Variants in WDR25 observed in about 807,000 individuals in gnomAD.
WDR25 encodes the protein WD repeat-containing protein 25.
Under a neutral mutation model 47.7 loss-of-function variants are expected in WDR25, and 35 were observed. That is an observed-to-expected ratio of 0.73 (90% confidence interval 0.56 to 0.97). The LOEUF (loss-of-function observed/expected upper bound fraction) is 0.97, where lower values mean the gene tolerates loss of function less well. Among genes scored for constraint, WDR25 ranks in the 50% least tolerant of loss-of-function variants. The probability of loss-of-function intolerance (pLI) is 0.00; values close to 1 mark genes in which losing one functional copy is unlikely to be tolerated. For synonymous variants in WDR25, 248 were observed against 278.9 expected (o/e 0.89, Z 1.10); for missense variants, 634 against 704.7 (o/e 0.90, Z 1.14).
intron 2 of WDR25, among the ~76,000 whole-genome samples, chr14:100,417,956 T>G (rs1210384702): frequency 6.6e-5 from 10 of 151,790 alleles, no homozygotes; most frequent in African/African-American, 2.4e-4. Flanking sequence ...TTTTTTTTTT[T>G]TTTGAGACGG....
chr14:100,457,144 A>G, intron 2 of WDR25, among the ~76,000 whole-genome samples: 1 of 152,124 alleles, frequency 6.6e-6, no homozygotes, highest in South Asian at 2.1e-4. Context: ...TAATAGAGAC[A>G]GGGTTTCACC....
intron 3 of WDR25, among the ~76,000 whole-genome samples, chr14:100,475,010 A>G (rs1359162400): frequency 6.6e-6 from 1 of 152,234 alleles, no homozygotes; most frequent in African/African-American, 2.4e-5. Context: ...AAAAGAAGAG[A>G]TATGAATGGC....
chr14:100,441,877 C>T (rs1365777894), intron 2 of WDR25, among the ~76,000 whole-genome samples: 1 of 152,170 alleles, frequency 6.6e-6, no homozygotes, highest in Non-Finnish European at 1.5e-5. Context: ...AAGCGCTGGG[C>T]TGAAGGCCTT....
intron 4 of WDR25, among the ~76,000 whole-genome samples, chr14:100,495,131 C>T (rs150909986): frequency 0.018 from 2,701 of 152,174 alleles, 95 homozygotes; most frequent in African/African-American, 0.061. Flanking sequence ...CCGAGGAGGG[C>T]GGATCACAAG....
chr14:100,503,856 A>T (rs898334103), intron 4 of WDR25: 8 of 152,256 alleles, frequency 5.3e-5, no homozygotes, highest in African/African-American at 1.7e-4. Flanking sequence ...ACCTCTGCTT[A>T]TGATTTCAGG....
chr14:100,436,909 C>A (rs977104193), intron 2 of WDR25, among the ~76,000 whole-genome samples: 2 of 152,222 alleles, frequency 1.3e-5, no homozygotes, highest in Admixed American at 6.5e-5. Flanking sequence ...CAGTTGCTGT[C>A]CTTGTGCCAC....
At chr14:100,396,495 C>T (rs1897263275) in intron 2 of WDR25, among the ~76,000 whole-genome samples, 1 of 152,222 alleles carries the variant, frequency 6.6e-6, no homozygotes, top group South Asian at 2.1e-4. Flanking sequence ...CTGCTGTTCC[C>T]AGCTGGTGCC....
At chr14:100,448,863 G>A (rs150127407) in intron 2 of WDR25, among the ~76,000 whole-genome samples, 58 of 152,116 alleles carry the variant, frequency 3.8e-4, no homozygotes, top group South Asian at 1.0e-3. Flanking sequence ...GCTTCCTGGC[G>A]GAAGGAGTGT....
chr14:100,376,974 T>C (rs962143904), intron 1 of WDR25, among the ~76,000 whole-genome samples: 1 of 152,258 alleles, frequency 6.6e-6, no homozygotes, highest in Non-Finnish European at 1.5e-5. Flanking sequence ...GACTTGCTGA[T>C]AGTGACTGTC....
intron 2 of WDR25, among the ~76,000 whole-genome samples, chr14:100,426,177 C>T (rs765743379): frequency 1.1e-4 from 17 of 152,224 alleles, no homozygotes; most frequent in Non-Finnish European, 2.2e-4. Flanking sequence ...GAGAATCCAT[C>T]ACAAAATTAT....
chr14:100,503,298 A>G (rs940341257), intron 4 of WDR25, among the ~76,000 whole-genome samples: 2 of 151,990 alleles, frequency 1.3e-5, no homozygotes, highest in Non-Finnish European at 1.5e-5. Context: ...CATCAGTTAC[A>G]CCTGAATATA....
intron 2 of WDR25, among the ~76,000 whole-genome samples, chr14:100,448,570 G>A (rs913268377): frequency 6.6e-6 from 1 of 152,088 alleles, no homozygotes; most frequent in Admixed American, 6.5e-5. Context: ...CTGTATAGTG[G>A]CCCAGTTACA....
At chr14:100,433,067 T>C (rs1595084337) in intron 2 of WDR25, among the ~76,000 whole-genome samples, 2 of 152,270 alleles carry the variant, frequency 1.3e-5, no homozygotes, top group South Asian at 2.1e-4. Context: ...TGGATCGTCA[T>C]TGACTGAAAT....
chr14:100,503,493 C>G (rs992422633), intron 4 of WDR25, among the ~76,000 whole-genome samples: 2 of 152,078 alleles, frequency 1.3e-5, no homozygotes, highest in Non-Finnish European at 2.9e-5. Flanking sequence ...AAAAGTGAGC[C>G]GTGAGGGCCA....
At position 100,478,385 on chromosome 14, in the gene WDR25, G is replaced by C. The variant is rs867091900; in HGVS notation, c.971-5609G>C. Among the ~76,000 whole-genome samples, 5 of 152,204 alleles carry C rather than the reference G, an allele frequency of 3.3e-5. No homozygotes were observed. The South Asian group carries it at 6.2e-4, about 19-fold the overall frequency. On this transcript the variant is annotated intron_variant, in intron 3 of 6. Coordinates refer to ENST00000402312, the MANE Select transcript of WDR25 (RefSeq NM_001161476.3). ...GAGCTGGGATGGGATCTGGGTCTGC[G>C]TGGCTCTGAACTCCTCAGCTATACC...
intron 2 of WDR25, among the ~76,000 whole-genome samples, chr14:100,457,398 C>G (rs940045256): frequency 6.6e-6 from 1 of 152,168 alleles, no homozygotes; most frequent in African/African-American, 2.4e-5. Context: ...AGTGGAACAC[C>G]GTTTGAAAGC....
intron 3 of WDR25, among the ~76,000 whole-genome samples, chr14:100,470,193 G>A (rs1364620473): frequency 6.6e-6 from 1 of 152,178 alleles, no homozygotes; most frequent in African/African-American, 2.4e-5. Context: ...GATGGAACAA[G>A]GACAGAGCTG....
At position 100,381,956 on chromosome 14, in the gene WDR25, C is replaced by G. The variant is rs1896912825; in HGVS notation, c.822+210C>G. The G allele has an allele frequency of 1.2e-5, 8 of 646,104 alleles. No individual in the cohort carries two copies. In the South Asian group the frequency reaches 1.4e-4, roughly 11 times the overall value. 40.0% of individuals were successfully genotyped at this position (646,104 alleles called of 1,614,324 possible). ...AACCCTTCCCTGATGCTGCCTTGCTCAGGTTACCAGAGGATACTGTTTCTT... is the reference window on the plus strand; with the variant it reads ...AACCCTTCCCTGATGCTGCCTTGCTGAGGTTACCAGAGGATACTGTTTCTT... On this transcript the variant is annotated intron_variant, in intron 2 of 6. Transcript: ENST00000402312.
chr14:100,447,683 A>G (rs1898882797), intron 2 of WDR25, among the ~76,000 whole-genome samples: 1 of 152,168 alleles, frequency 6.6e-6, no homozygotes, highest in South Asian at 2.1e-4. Flanking sequence ...ACAGAATTAC[A>G]CTTCTGTGGC....
Sources: allele counts gnomAD v4.1 joint callset (sites outside exome capture counted in the v4.1 genomes callset), GRCh38; gene constraint gnomAD v4.1.1; transcripts MANE v1.5; gene names NCBI Gene and HGNC (gene_info 2026-07-23, HGNC 2026-07-21).